IGBP1: variants seen among roughly 807,000 people sequenced by gnomAD.
IGBP1 encodes the protein immunoglobulin-binding protein 1.
Under a neutral mutation model 25.9 loss-of-function variants are expected in IGBP1, and 2 were observed. The ratio of observed to expected loss-of-function variants is 0.08; its 90% CI spans 0.03 to 0.24. The LOEUF is 0.24. IGBP1 is among the 10% of genes least tolerant of loss of function. The pLI, the probability that IGBP1 is intolerant of heterozygous loss-of-function variation, is 1.00. For synonymous variants in IGBP1, 96 were observed against 93.4 expected, an observed-to-expected ratio of 1.03 and a Z score of -0.16; for missense variants, 187 against 260.4, an observed-to-expected ratio of 0.72 and a Z score of 1.94.
At chrX:70,149,633 G>A (rs182600621) in intron 5 of IGBP1, 1,113 of 90,846 alleles carry the variant, frequency 0.012, 15 homozygotes, top group African/African-American at 0.049. Flanking sequence ...CAGCCTGGTC[G>A]ACAGAGCAAG....
At chrX:70,134,232 G>T (rs2085081275) in intron 2 of IGBP1, 97 bp downstream of exon 2, 1 of 815,450 alleles carries the variant, frequency 1.2e-6, no homozygotes, top group Non-Finnish European at 1.8e-6. Flanking sequence ...CTTTAGTGGT[G>T]AGAACGTTTC....
At chrX:70,152,120 C>G (rs985555035) in intron 6 of IGBP1, among the ~76,000 whole-genome samples, 4 of 111,052 alleles carry the variant, frequency 3.6e-5, no homozygotes, top group African/African-American at 1.3e-4. Context: ...AATGAGAGAA[C>G]TGAGATCAGG....
intron 3 of IGBP1, among the ~76,000 whole-genome samples, chrX:70,145,052 GAAAA>G (rs891782288): frequency 9.2e-6 from 1 of 108,194 alleles, no homozygotes; most frequent in Admixed American, 1.0e-4. Context: ...AAAGAAGAAA[GAAAA>G]AGAAAGCATA....
At chrX:70,139,258 C>T (rs755605194) in intron 3 of IGBP1, among the ~76,000 whole-genome samples, 27 of 103,933 alleles carry the variant, frequency 2.6e-4, no homozygotes, top group African/African-American at 8.2e-4. Flanking sequence ...TGCAGTGAGC[C>T]GAGATCGCAC....
At chrX:70,160,529 A>G (rs1364654797) in intron 6 of IGBP1, among the ~76,000 whole-genome samples, 1 of 112,284 alleles carries the variant, frequency 8.9e-6, no homozygotes, top group African/African-American at 3.2e-5. Context: ...TTTCAAGTAT[A>G]AAGAGTACAG....
At chrX:70,144,911 G>A (rs776006007) in intron 3 of IGBP1, among the ~76,000 whole-genome samples, 3 of 108,308 alleles carry the variant, frequency 2.8e-5, no homozygotes, top group Non-Finnish European at 5.7e-5. Flanking sequence ...ACCCACCTCA[G>A]CCTCCCAAAG....
chrX:70,165,752 C>A, intron 6 of IGBP1, 81 bp from the exon 7 acceptor site: 2 of 903,832 alleles, frequency 2.2e-6, no homozygotes, highest in Non-Finnish European at 3.2e-6. Context: ...TGGTTGTGCT[C>A]AGAGTGGAAC....
At chrX:70,162,881 G>A (rs2085278107) in intron 6 of IGBP1, among the ~76,000 whole-genome samples, 1 of 109,411 alleles carries the variant, frequency 9.1e-6, no homozygotes, top group Admixed American at 9.7e-5. Flanking sequence ...GGATGAGACA[G>A]GAGAATCGCT....
intron 6 of IGBP1, among the ~76,000 whole-genome samples, chrX:70,158,687 A>G (rs781499793): frequency 1.1e-3 from 125 of 110,374 alleles, no homozygotes; most frequent in Admixed American, 3.4e-3. Flanking sequence ...CAAAAAAAAA[A>G]GAAAAATTAG....
rs866786466 is a variant in IGBP1 at position 70,137,754 on chromosome X, A to G, written c.482+2938A>G. Among the ~76,000 whole-genome samples, 489 of 99,542 alleles carry G rather than the reference A, an allele frequency of 4.9e-3. 3 individuals are homozygous for G. The highest frequency in any genetic ancestry group is 0.021 in the African/African-American group (466 of 22,349). 86.4% of individuals were successfully genotyped at this position (99,542 alleles called of 115,157 possible). On this transcript the variant is annotated intron_variant, in intron 3 of 6. Coordinates refer to ENST00000356413, the MANE Select transcript of IGBP1 (RefSeq NM_001551.3). The stretch of plus-strand genomic sequence containing the variant: ...GTTTGGTATCCAAATAATTATACAA[A>G]AAAAAAAAAAAAAAAAAACTGCAAG...
intron 3 of IGBP1, among the ~76,000 whole-genome samples, chrX:70,137,772 A>AC (rs2085104689): frequency 9.3e-6 from 1 of 107,009 alleles, no homozygotes; most frequent in Non-Finnish European, 1.9e-5. Context: ...AAAAAAAAAA[A>AC]CTGCAAGAGA....
chrX:70,135,068 G>A (rs1191611625), intron 3 of IGBP1, among the ~76,000 whole-genome samples: 2 of 112,338 alleles, frequency 1.8e-5, no homozygotes, highest in Non-Finnish European at 3.8e-5. Flanking sequence ...TTAGCAGAGT[G>A]TCTCCCAACC....
In IGBP1 at chrX:70,140,487, T is replaced by TTTAAA. The variant is rs1250037107; in HGVS notation, c.482+5673_482+5677dup. On this transcript the variant is annotated intron_variant, in intron 3 of 6. Transcript: ENST00000356413. ...ACAAGTTAGCATGTTATAATAGTACTTTAAATAGGAAGAAGTGATAAAAAA... is the reference window on the plus strand; with the variant it reads ...ACAAGTTAGCATGTTATAATAGTACTTTAAATTAAATAGGAAGAAGTGATAAAAAA... Among the ~76,000 whole-genome samples the TTTAAA allele has an allele frequency of 2.7e-5, 3 of 112,194 alleles. No individual in the cohort carries two copies. The Admixed American group carries it at 2.8e-4, about 11-fold the overall frequency.
At chrX:70,146,523 G>T in intron 3 of IGBP1, 110 bp from the exon 4 acceptor site, 2 of 609,352 alleles carry the variant, frequency 3.3e-6, no homozygotes, top group Non-Finnish European at 5.5e-6. Flanking sequence ...GGTGGAAATT[G>T]GTATGCTTAC....
rs747463676 is a variant in IGBP1, at chrX:70,152,903, A to G, written c.871+2581A>G. 8.4e-4 allele frequency among the ~76,000 whole-genome samples: 94 copies of G among 112,339 alleles called. 1 individual carries two copies. The highest frequency in any genetic ancestry group is 2.8e-3 in the African/African-American group (88 of 30,937). On this transcript the variant is annotated intron_variant, in intron 6 of 6. Coordinates refer to ENST00000356413, the MANE Select transcript of IGBP1 (RefSeq NM_001551.3). ...TTGGAATGCCAGTACCAGAGGAGAA[A>G]GAAGGGAACAGAAAAACTTGAAGAA...
intron 3 of IGBP1, among the ~76,000 whole-genome samples, chrX:70,141,911 A>T (rs1297335920): frequency 9.1e-6 from 1 of 109,919 alleles, no homozygotes; most frequent in Non-Finnish European, 1.9e-5. Flanking sequence ...TTTAGAGATT[A>T]AAAAAAAGGG....
chrX:70,143,842 A>G (rs1484294699), intron 3 of IGBP1, among the ~76,000 whole-genome samples: 2 of 112,474 alleles, frequency 1.8e-5, no homozygotes, highest in East Asian at 5.5e-4. Context: ...TTCTTTTACT[A>G]AAACAGTTTT....
intron 2 of IGBP1, 26 bp downstream of exon 2, chrX:70,134,161 C>T (rs1320927946): frequency 4.2e-6 from 5 of 1,180,200 alleles, no homozygotes; most frequent in Non-Finnish European, 5.8e-6. Flanking sequence ...GTAATAATGG[C>T]TGAGAACGAA....
intron 6 of IGBP1, among the ~76,000 whole-genome samples, chrX:70,161,047 A>G (rs779544093): frequency 8.2e-4 from 92 of 111,548 alleles, no homozygotes; most frequent in African/African-American, 2.9e-3. Context: ...ACACACACAC[A>G]CCCACCCCTG....
Sources: gnomAD v4.1 joint callset for allele counts (sites outside exome capture counted in the v4.1 genomes callset) on GRCh38, gnomAD v4.1.1 for gene constraint, MANE v1.5 for transcripts, NCBI Gene and HGNC (gene_info 2026-07-23, HGNC 2026-07-21) for gene names.